The following ROR1 variants were observed in gnomAD, a reference collection of about 807,000 sequenced individuals.
The protein encoded by ROR1 is ROR family WNT receptor 1.
In ROR1, 19 loss-of-function variants were observed where a neutral mutation model predicts 78.8. That is an observed-to-expected ratio of 0.24 (90% confidence interval 0.17 to 0.35). The LOEUF is 0.35. Among genes scored for constraint, ROR1 ranks in the 10% least tolerant of loss-of-function variants. The pLI is 1.00. For missense variants in ROR1, 917 were observed against 1,177.8 expected, an observed-to-expected ratio of 0.78 and a Z score of 3.24; for synonymous variants, 386 against 433.6, an observed-to-expected ratio of 0.89 and a Z score of 1.36.
intron 1 of ROR1, among the ~76,000 whole-genome samples, chr1:63,866,765 A>C (rs1645218017): frequency 6.6e-6 from 1 of 152,218 alleles, no homozygotes; most frequent in South Asian, 2.1e-4. Flanking sequence ...GGCTTTATAG[A>C]GAAGCTTTGG....
chr1:63,876,679 T>TGC (rs1553139489), intron 1 of ROR1, among the ~76,000 whole-genome samples: 2 of 80,176 alleles, frequency 2.5e-5, no homozygotes, highest in East Asian at 2.4e-4. Context: ...TGTGTGTGTG[T>TGC]GTGCGCGTGT....
chr1:63,849,555 G>A (rs954459803), intron 1 of ROR1, among the ~76,000 whole-genome samples: 10 of 152,156 alleles, frequency 6.6e-5, no homozygotes, highest in East Asian at 1.9e-4. Context: ...AAAAGTTGGC[G>A]GGGTGTGGGG....
intron 1 of ROR1, among the ~76,000 whole-genome samples, chr1:63,840,407 G>C (rs932238933): frequency 6.6e-6 from 1 of 151,616 alleles, no homozygotes; most frequent in South Asian, 2.1e-4. Flanking sequence ...AGCCTCCTGA[G>C]TAGCTGGGAC....
chr1:63,972,212 G>C (rs891071535), intron 1 of ROR1, among the ~76,000 whole-genome samples: 9 of 152,096 alleles, frequency 5.9e-5, no homozygotes, highest in African/African-American at 2.2e-4. Context: ...AATACTTAAA[G>C]TTTTCACATC....
chr1:63,957,590 T>A (rs1428538095), intron 1 of ROR1, among the ~76,000 whole-genome samples: 1 of 152,202 alleles, frequency 6.6e-6, no homozygotes, highest in Non-Finnish European at 1.5e-5. Flanking sequence ...GGAAAGCACA[T>A]GGGTTGCATA....
intron 7 of ROR1, 147 bp from the exon 8 acceptor site, chr1:64,158,834 T>A (rs1157073503): frequency 4.1e-5 from 26 of 630,974 alleles, no homozygotes; most frequent in Non-Finnish European, 1.7e-5. Flanking sequence ...AAACAAATGG[T>A]AATAAGCAGT....
At chr1:64,027,161 A>T (rs1467509543) in intron 2 of ROR1, among the ~76,000 whole-genome samples, 1 of 152,146 alleles carries the variant, frequency 6.6e-6, no homozygotes, top group African/African-American at 2.4e-5. Flanking sequence ...GAATTACAGG[A>T]GATCATGCAG....
chr1:64,103,791 C>A (rs2100661012), intron 4 of ROR1, among the ~76,000 whole-genome samples: 1 of 151,458 alleles, frequency 6.6e-6, no homozygotes, highest in Non-Finnish European at 1.5e-5. Context: ...TCTCACTTCA[C>A]CTTAAAAAAA....
chr1:63,893,674 G>A (rs529624642), intron 1 of ROR1, among the ~76,000 whole-genome samples: 1 of 152,036 alleles, frequency 6.6e-6, no homozygotes, highest in Non-Finnish European at 1.5e-5. Context: ...TCTAAGAAAC[G>A]AAGCAGCTGT....
At chr1:64,172,168 G>A (rs2100741506) in intron 8 of ROR1, among the ~76,000 whole-genome samples, 1 of 152,280 alleles carries the variant, frequency 6.6e-6, no homozygotes, top group South Asian at 2.1e-4. Context: ...TAGCAGTCAT[G>A]ACTAAGGTGA....
chr1:64,051,455 T>TAAAAAAAAAAA (rs369511325), intron 4 of ROR1, among the ~76,000 whole-genome samples: 1 of 39,194 alleles, frequency 2.6e-5, no homozygotes, highest in Non-Finnish European at 7.9e-5. Flanking sequence ...GTCTCAAAAA[T>TAAAAAAAAAAA]AAAAAATAAA....
intron 2 of ROR1, among the ~76,000 whole-genome samples, chr1:64,045,226 C>A (rs531522197): frequency 6.6e-6 from 1 of 151,944 alleles, no homozygotes; most frequent in Non-Finnish European, 1.5e-5. Context: ...TCCAACTGTG[C>A]GAAGCCAGAT....
chr1:63,786,527 C>T (rs1447842291), intron 1 of ROR1, among the ~76,000 whole-genome samples: 4 of 150,512 alleles, frequency 2.7e-5, no homozygotes, highest in Admixed American at 2.6e-4. Flanking sequence ...CCGCCTCGGC[C>T]TCCCAGAGTG....
chr1:64,061,548 A>G (rs946867890), intron 4 of ROR1, among the ~76,000 whole-genome samples: 1 of 152,142 alleles, frequency 6.6e-6, no homozygotes, highest in Non-Finnish European at 1.5e-5. Context: ...TTAAAATGCA[A>G]ATTCTAAAAG....
At chr1:64,104,834 A>G (rs1272159039) in intron 4 of ROR1, among the ~76,000 whole-genome samples, 4 of 152,126 alleles carry the variant, frequency 2.6e-5, no homozygotes, top group Non-Finnish European at 5.9e-5. Context: ...GTGTATATGT[A>G]CCACATTTTC....
At chr1:63,795,069 C>G (rs1557500125) in intron 1 of ROR1, among the ~76,000 whole-genome samples, 1 of 152,136 alleles carries the variant, frequency 6.6e-6, no homozygotes, top group Non-Finnish European at 1.5e-5. Flanking sequence ...AGGTTGGAAC[C>G]CTGCATCCAG....
At chr1:64,074,461 A>G (rs1772618) in intron 4 of ROR1, among the ~76,000 whole-genome samples, 128,789 of 152,212 alleles carry the variant, frequency 0.85, 54,924 homozygotes, top group African/African-American at 0.95. Context: ...ACTTGAACTG[A>G]TCTTAAAGGA....
chr1:64,044,607 C>T (rs935730897), intron 2 of ROR1, among the ~76,000 whole-genome samples: 3 of 152,074 alleles, frequency 2.0e-5, no homozygotes, highest in Non-Finnish European at 2.9e-5. Flanking sequence ...GGGCAGTATA[C>T]GTAAAGTACT....
intron 1 of ROR1, among the ~76,000 whole-genome samples, chr1:63,859,942 G>T (rs986617123): frequency 1.6e-4 from 24 of 152,188 alleles, no homozygotes; most frequent in African/African-American, 5.5e-4. Flanking sequence ...AGCCCTGTGA[G>T]GTGTGTCTTG....
Sources: gnomAD v4.1 joint callset for allele counts (sites outside exome capture counted in the v4.1 genomes callset) on GRCh38, gnomAD v4.1.1 for gene constraint, MANE v1.5 for transcripts, NCBI Gene and HGNC (gene_info 2026-07-23, HGNC 2026-07-21) for gene names.